The following PTPRD variants were observed in gnomAD, a reference collection of about 807,000 sequenced individuals.
PTPRD encodes protein tyrosine phosphatase receptor type D.
PTPRD carries 34 observed loss-of-function variants against 214.5 expected under a neutral mutation model. That is an observed-to-expected ratio of 0.16 (90% confidence interval 0.12 to 0.21). PTPRD has a LOEUF of 0.21. Ranked by LOEUF, PTPRD falls within the 10% of genes least tolerant of loss-of-function variation. The pLI, the probability that PTPRD is intolerant of heterozygous loss-of-function variation, is 1.00. For synonymous variants in PTPRD, 1,128 were observed against 845.7 expected (o/e 1.33, Z -5.79); for missense variants, 2,545 against 2,398.7 (o/e 1.06, Z -1.27).
chr9:8,509,849 T>C (rs1042159964), intron 21 of PTPRD, among the ~76,000 whole-genome samples: 3 of 152,200 alleles, frequency 2.0e-5, no homozygotes, highest in South Asian at 2.1e-4. Context: ...CTGTCCTTTT[T>C]ATTCTTGCAC....
At chr9:8,670,571 G>T (rs2097263211) in intron 12 of PTPRD, among the ~76,000 whole-genome samples, 1 of 152,108 alleles carries the variant, frequency 6.6e-6, no homozygotes, top group African/African-American at 2.4e-5. Flanking sequence ...CTATCTATAT[G>T]TTTCTATATA....
In PTPRD at chr9:9,828,081, T is replaced by C. The variant is rs2053575129; in HGVS notation, c.-367-61230A>G. ...GGACTGTAAACTAGCTCAACCCTTG[T>C]GGAAGTCAGTGTGGCGATTCCTCAG... On this transcript the variant is annotated intron_variant, in intron 5 of 45. Coordinates refer to ENST00000381196, the MANE Select transcript of PTPRD (RefSeq NM_002839.4). 2.6e-5 allele frequency among the ~76,000 whole-genome samples: 4 copies of C among 152,280 alleles called. No homozygotes were observed. In the South Asian group the frequency reaches 6.2e-4, roughly 24 times the overall value.
At chr9:8,870,523 G>A (rs151316779) in intron 11 of PTPRD, among the ~76,000 whole-genome samples, 2 of 152,046 alleles carry the variant, frequency 1.3e-5, no homozygotes, top group Non-Finnish European at 2.9e-5. Flanking sequence ...AAATTCTTTT[G>A]GTTCACCACC....
chr9:9,585,513 GA>G (rs773925941), intron 7 of PTPRD, among the ~76,000 whole-genome samples: 22 of 152,002 alleles, frequency 1.4e-4, no homozygotes, highest in Non-Finnish European at 2.6e-4. Context: ...ACTTTGAATT[GA>G]AAATGTCCAA....
chr9:10,182,697 G>C (rs1646187118), intron 3 of PTPRD, among the ~76,000 whole-genome samples: 1 of 152,076 alleles, frequency 6.6e-6, no homozygotes, highest in Admixed American at 6.6e-5. Context: ...CAGTAGTTTG[G>C]CAAAAAATGT....
At chr9:10,038,266 A>G (rs929505275) in intron 3 of PTPRD, among the ~76,000 whole-genome samples, 1 of 152,080 alleles carries the variant, frequency 6.6e-6, no homozygotes. Context: ...TTATCATTCT[A>G]CAACATCTCT....
chr9:10,117,614 T>G (rs1010422618), intron 3 of PTPRD, among the ~76,000 whole-genome samples: 3 of 15,136 alleles, frequency 2.0e-4, no homozygotes, highest in Non-Finnish European at 6.0e-4. Flanking sequence ...ATCTCCCCGT[T>G]TTTTTTTTTT....
At chr9:10,509,738 A>G (rs72700973) in intron 2 of PTPRD, among the ~76,000 whole-genome samples, 14,763 of 150,910 alleles carry the variant, frequency 0.098, 974 homozygotes, top group African/African-American at 0.18. Context: ...CAGTATTTCA[A>G]AACCAAGATC....
chr9:9,180,116 A>T (rs4389998), intron 10 of PTPRD, among the ~76,000 whole-genome samples: 141,927 of 151,788 alleles, frequency 0.94, 66,376 homozygotes, highest in South Asian at 0.97. Flanking sequence ...CAAAGGATTA[A>T]AAATCATGCT....
intron 35 of PTPRD, among the ~76,000 whole-genome samples, chr9:8,422,715 T>C (rs1165252389): frequency 1.3e-5 from 2 of 152,148 alleles, no homozygotes; most frequent in East Asian, 1.9e-4. Flanking sequence ...CAAGGATCAA[T>C]ACAGAAGGAA....
At chr9:8,378,109 G>A (rs1484799233) in intron 37 of PTPRD, among the ~76,000 whole-genome samples, 1 of 151,996 alleles carries the variant, frequency 6.6e-6, no homozygotes, top group African/African-American at 2.4e-5. Context: ...TCTTTTTGAT[G>A]AAAACAAACA....
chr9:10,147,481 C>A (rs955614343), intron 3 of PTPRD, among the ~76,000 whole-genome samples: 1 of 152,062 alleles, frequency 6.6e-6, no homozygotes, highest in Admixed American at 6.6e-5. Flanking sequence ...TTTAAAAATG[C>A]CTTTGCTTAT....
intron 14 of PTPRD, among the ~76,000 whole-genome samples, chr9:8,531,445 T>A (rs764627530): frequency 7.9e-5 from 12 of 152,132 alleles, no homozygotes; most frequent in Non-Finnish European, 1.6e-4. Flanking sequence ...ATATCTCACT[T>A]GGCAGCTATT....
At chr9:10,131,474 C>G (rs1195825753) in intron 3 of PTPRD, among the ~76,000 whole-genome samples, 1 of 152,096 alleles carries the variant, frequency 6.6e-6, no homozygotes, top group African/African-American at 2.4e-5. Flanking sequence ...GTCTAAGATG[C>G]CACATTCAGG....
chr9:9,019,153 T>G (rs902611819), intron 10 of PTPRD, among the ~76,000 whole-genome samples: 1 of 152,092 alleles, frequency 6.6e-6, no homozygotes, highest in Non-Finnish European at 1.5e-5. Context: ...GTTAAGATTT[T>G]AATTCCTTGG....
intron 8 of PTPRD, among the ~76,000 whole-genome samples, chr9:9,460,562 C>G (rs139896427): frequency 1.3e-5 from 2 of 152,008 alleles, no homozygotes; most frequent in African/African-American, 4.8e-5. Flanking sequence ...AAAATGGCAG[C>G]AAACATATAA....
intron 8 of PTPRD, among the ~76,000 whole-genome samples, chr9:9,486,391 G>A (rs1241473911): frequency 6.6e-6 from 1 of 151,882 alleles, no homozygotes; most frequent in Non-Finnish European, 1.5e-5. Context: ...TGCTTCCAAT[G>A]GACTTTAACA....
At chr9:8,950,600 C>G (rs540208903) in intron 11 of PTPRD, among the ~76,000 whole-genome samples, 1 of 151,820 alleles carries the variant, frequency 6.6e-6, no homozygotes, top group African/African-American at 2.4e-5. Flanking sequence ...ACATTGTATA[C>G]AATAATATAT....
At chr9:8,583,488 T>C (rs2093365409) in intron 14 of PTPRD, among the ~76,000 whole-genome samples, 1 of 152,086 alleles carries the variant, frequency 6.6e-6, no homozygotes, top group Non-Finnish European at 1.5e-5. Context: ...CATGGCTGGA[T>C]AATTTATTTA....
Sources: allele counts gnomAD v4.1 joint callset (sites outside exome capture counted in the v4.1 genomes callset), GRCh38; gene constraint gnomAD v4.1.1; transcripts MANE v1.5; gene names NCBI Gene and HGNC (gene_info 2026-07-23, HGNC 2026-07-21).